ATP10D: variants seen among roughly 807,000 people sequenced by gnomAD.
ATP10D encodes ATPase phospholipid transporting 10D (putative).
A neutral mutation model predicts 144.8 loss-of-function variants in ATP10D; 89 were observed. The ratio of observed to expected loss-of-function variants is 0.61; its 90% CI spans 0.52 to 0.73. ATP10D has a LOEUF of 0.73. Among genes scored for constraint, ATP10D ranks in the 30% least tolerant of loss-of-function variants. The probability of loss-of-function intolerance (pLI) is 0.00; values close to 1 mark genes in which losing one functional copy is unlikely to be tolerated. For synonymous variants in ATP10D, 571 were observed against 615.1 expected, an observed-to-expected ratio of 0.93 and a Z score of 1.06; for missense variants, 1,603 against 1,714.8, an observed-to-expected ratio of 0.93 and a Z score of 1.15.
chr4:47,569,541 T>G (rs370753001), intron 16 of ATP10D, among the ~76,000 whole-genome samples: 2 of 152,186 alleles, frequency 1.3e-5, no homozygotes, highest in Non-Finnish European at 2.9e-5. Flanking sequence ...ATCAAGTGCC[T>G]TTTTTGTACC....
chr4:47,518,147 C>T (rs755976149), intron 3 of ATP10D, among the ~76,000 whole-genome samples: 1 of 152,066 alleles, frequency 6.6e-6, no homozygotes, highest in Non-Finnish European at 1.5e-5. Flanking sequence ...ATTATTTCTC[C>T]ACAAATTTAG....
intron 1 of ATP10D, among the ~76,000 whole-genome samples, chr4:47,491,680 A>T (rs1216058231): frequency 1.3e-5 from 2 of 152,016 alleles, no homozygotes; most frequent in Non-Finnish European, 1.5e-5. Flanking sequence ...ATATTGAACT[A>T]CTCATTGTTA....
At chr4:47,580,351 G>T (rs1720448473) in intron 19 of ATP10D, 47 bp from the exon 20 acceptor site, 3 of 1,425,054 alleles carry the variant, frequency 2.1e-6, no homozygotes, top group East Asian at 2.3e-5. Flanking sequence ...TCTTTTCTTG[G>T]ACCCTTGTTA....
Position 47,576,825 on chromosome 4 carries a change from C to T in ATP10D, c.3419C>T (p.Thr1140Ile), listed in dbSNP as rs1442335423. 6.2e-7 allele frequency: 1 copy of T among 1,614,168 alleles called. No homozygotes were observed. Among genetic ancestry groups the T allele is most frequent in the East Asian group, 2.2e-5 (1 of 44,876 alleles). ...WYQFFCGFSG[T>I]SMTDYWVLIF... ...CAGTTCTTTTGTGGATTTTCAGGAACATCCATGACTGATTACTGGGTTTTG... is the reference window on the plus strand; with the variant it reads ...CAGTTCTTTTGTGGATTTTCAGGAATATCCATGACTGATTACTGGGTTTTG... Residue 1140 changes from threonine (T) to isoleucine (I), a missense_variant, in exon 19 of 23, where the codon ACA becomes ATA. Coordinates refer to ENST00000273859, the MANE Select transcript of ATP10D (RefSeq NM_020453.4).
intron 5 of ATP10D, among the ~76,000 whole-genome samples, chr4:47,528,513 GTATA>G (rs796644378): frequency 4.6e-4 from 43 of 93,328 alleles, no homozygotes; most frequent in African/African-American, 1.8e-3. Flanking sequence ...GTGTGTGTGT[GTATA>G]TATATATATA....
intron 1 of ATP10D, among the ~76,000 whole-genome samples, chr4:47,495,839 G>C (rs954494648): frequency 7.2e-5 from 11 of 151,734 alleles, no homozygotes; most frequent in Admixed American, 7.2e-4. Flanking sequence ...CCGTTTTCAA[G>C]CAATTCTTCT....
rs767743191 is a variant in ATP10D at position 47,587,209 on chromosome 4, A to G, written c.3941+3A>G. 9.5e-5 allele frequency: 152 copies of G among 1,605,588 alleles called. No homozygotes were observed. The highest frequency in any genetic ancestry group is 1.2e-4 in the Non-Finnish European group (138 of 1,175,462). On this transcript the variant is annotated splice_donor_region_variant and intron_variant, in intron 22 of 22. Transcript: ENST00000273859. ...ACGTCCATTGCTCTTCTGCCCAGGTATGGTATTTATTTTATCATTGAGAGA... is the reference window on the plus strand; with the variant it reads ...ACGTCCATTGCTCTTCTGCCCAGGTGTGGTATTTATTTTATCATTGAGAGA...
chr4:47,525,443 C>A (rs990553761), intron 4 of ATP10D, 114 bp from the exon 5 acceptor site: 2 of 738,024 alleles, frequency 2.7e-6, no homozygotes, highest in Non-Finnish European at 4.5e-6. Flanking sequence ...ATGATATGAA[C>A]TTCATTGCAA....
chr4:47,540,719 C>T (rs1718093812), intron 9 of ATP10D, among the ~76,000 whole-genome samples: 1 of 152,052 alleles, frequency 6.6e-6, no homozygotes, highest in Non-Finnish European at 1.5e-5. Context: ...TTAATTGAAA[C>T]CCATATTTTA....
intron 12 of ATP10D, 63 bp downstream of exon 12, chr4:47,558,336 T>C (rs1037651992): frequency 1.3e-6 from 2 of 1,547,322 alleles, no homozygotes; most frequent in Non-Finnish European, 1.7e-6. Context: ...AAGACCATAC[T>C]TGATGGCTTT....
intron 1 of ATP10D, among the ~76,000 whole-genome samples, chr4:47,495,586 GT>G (rs1469335609): frequency 2.0e-5 from 3 of 151,960 alleles, no homozygotes; most frequent in Non-Finnish European, 4.4e-5. Flanking sequence ...CACTGTTAAT[GT>G]TTTTAAAAAT....
At chr4:47,518,298 CA>C (rs1716785215) in intron 3 of ATP10D, among the ~76,000 whole-genome samples, 1 of 152,120 alleles carries the variant, frequency 6.6e-6, no homozygotes, top group Admixed American at 6.5e-5. Flanking sequence ...TTTGGAATAA[CA>C]AACACTAGTC....
In ATP10D at chr4:47,512,770, G is replaced by A. The variant is rs149671949; in HGVS notation, c.230G>A (p.Arg77Gln). ...FSGAYVNNRI[R>Q]TTKYTLLNFV... ...GGAGCCTATGTGAACAATCGAATAC[G>A]AACAACAAAGTACACACTTCTGAAT... is the stretch of plus-strand genomic sequence containing the variant. Residue 77 changes from arginine (R) to glutamine (Q), a missense_variant, in exon 2 of 23, where the codon CGA becomes CAA. Coordinates refer to ENST00000273859, the MANE Select transcript of ATP10D (RefSeq NM_020453.4). The A allele has an allele frequency of 6.2e-6, 10 of 1,613,568 alleles. No homozygotes were observed. Among genetic ancestry groups the A allele is most frequent in the South Asian group, 2.2e-5 (2 of 91,058 alleles).
At chr4:47,498,396 G>A (rs1011340527) in intron 1 of ATP10D, among the ~76,000 whole-genome samples, 3 of 152,132 alleles carry the variant, frequency 2.0e-5, no homozygotes, top group African/African-American at 7.2e-5. Context: ...AATGTCCTAG[G>A]GGGCTGGAAG....
intron 10 of ATP10D, among the ~76,000 whole-genome samples, chr4:47,551,896 C>A (rs147453099): frequency 2.2e-3 from 334 of 152,294 alleles, no homozygotes; most frequent in African/African-American, 7.6e-3. Context: ...GACTCTATAT[C>A]TTCACCTTAA....
At chr4:47,521,244 A>G (rs971445630) in intron 3 of ATP10D, among the ~76,000 whole-genome samples, 3 of 152,176 alleles carry the variant, frequency 2.0e-5, no homozygotes, top group Non-Finnish European at 4.4e-5. Context: ...AGATACTTCA[A>G]ATAAAAGCTT....
chr4:47,569,109 G>T lies in ATP10D; in HGVS notation c.3126G>T (p.Leu1042Phe), dbSNP rs1719808482. 1 of 1,613,852 alleles carries T rather than the reference G, an allele frequency of 6.2e-7. No individual in the cohort carries two copies. Among genetic ancestry groups the T allele is most frequent in the African/African-American group, 1.3e-5 (1 of 74,916 alleles). ...TGCAGAAAAGTGAAGTGGTGAAATT[G>T]GTCCGCAGCCATCTCCAGGTGATGA... is the stretch of plus-strand genomic sequence containing the variant. Reference protein sequence around the residue: ...TPLQKSEVVKLVRSHLQVMTL... With the variant: ...TPLQKSEVVKFVRSHLQVMTL... Residue 1042 changes from leucine (L) to phenylalanine (F), a missense_variant, in exon 16 of 23, where the codon TTG becomes TTT. Physicochemically the swap from Leu to Phe is conservative, Grantham distance 22. Transcript: ENST00000273859.
intron 10 of ATP10D, among the ~76,000 whole-genome samples, chr4:47,550,188 G>A (rs770482973): frequency 3.4e-4 from 51 of 152,142 alleles, no homozygotes; most frequent in Non-Finnish European, 6.3e-4. Context: ...CCCATCTAGA[G>A]TGTCTTTGTC....
intron 10 of ATP10D, 41 bp downstream of exon 10, chr4:47,546,903 T>A (rs200494688): frequency 6.4e-7 from 1 of 1,552,242 alleles, no homozygotes; most frequent in Non-Finnish European, 8.9e-7. Context: ...ACATCCACAA[T>A]GTATGATGAG....
Sources: gnomAD v4.1 joint callset for allele counts (sites outside exome capture counted in the v4.1 genomes callset) on GRCh38, gnomAD v4.1.1 for gene constraint, MANE v1.5 for transcripts, NCBI Gene and HGNC (gene_info 2026-07-23, HGNC 2026-07-21) for gene names.